The following NXN variants were observed in gnomAD, a reference collection of about 807,000 sequenced individuals.
NXN encodes nucleoredoxin 1.
In NXN, 16 loss-of-function variants were observed where a neutral mutation model predicts 48.6. The observed-to-expected ratio is 0.33, with a 90% CI of 0.22 to 0.50. NXN has a LOEUF of 0.50. NXN is among the 20% of genes least tolerant of loss of function. NXN has a pLI of 0.98. For missense variants in NXN, 492 were observed against 605.5 expected (o/e 0.81, Z 1.97); for synonymous variants, 281 against 269.6 (o/e 1.04, Z -0.41).
intron 1 of NXN, among the ~76,000 whole-genome samples, chr17:884,662 CT>C (rs1297466340): frequency 1.3e-5 from 2 of 152,120 alleles, no homozygotes; most frequent in African/African-American, 4.8e-5. Context: ...TCTAGAACAC[CT>C]TCTGGACCCT....
chr17:904,287 G>A (rs1261702663), intron 1 of NXN, among the ~76,000 whole-genome samples: 3 of 148,702 alleles, frequency 2.0e-5, no homozygotes, highest in African/African-American at 7.8e-5. Flanking sequence ...CGGGCTGCCC[G>A]GACGTCGGAC....
rs559739709 is a variant in NXN at position 888,540 on chromosome 17, T to A, written c.361-62462A>T. 1.1e-3 allele frequency among the ~76,000 whole-genome samples: 166 copies of A among 152,294 alleles called. 1 individual carries two copies. The highest frequency in any genetic ancestry group is 3.6e-3 in the African/African-American group (149 of 41,556). ...CTGGTCTCAGCAAGGTTTTTTGACT[T>A]CAAGAAAACGAGGGTGCTCTTAGGT... On this transcript the variant is annotated intron_variant, in intron 1 of 7. Coordinates refer to ENST00000336868, the MANE Select transcript of NXN (RefSeq NM_022463.5).
chr17:902,620 C>T (rs980834815), intron 1 of NXN, among the ~76,000 whole-genome samples: 3 of 152,004 alleles, frequency 2.0e-5, no homozygotes, highest in Non-Finnish European at 4.4e-5. Context: ...AACCTGTTTA[C>T]GAAGGAGACG....
chr17:856,327 A>T (rs560985242), intron 1 of NXN, among the ~76,000 whole-genome samples: 93 of 152,208 alleles, frequency 6.1e-4, no homozygotes, highest in African/African-American at 2.0e-3. Context: ...GCAAACACAA[A>T]ACAAACTCCA....
At chr17:856,867 CTT>C (rs781744151) in intron 1 of NXN, among the ~76,000 whole-genome samples, 1 of 152,190 alleles carries the variant, frequency 6.6e-6, no homozygotes. Context: ...CAGCTCTCCT[CTT>C]TTCTTTCTGA....
At chr17:979,288 G>C (rs749798489) in intron 1 of NXN, 31 bp downstream of exon 1, 3 of 1,435,700 alleles carry the variant, frequency 2.1e-6, no homozygotes, top group African/African-American at 1.5e-5. Context: ...GTGGGGGGCG[G>C]GCAGGGGCCG....
At chr17:966,662 T>A (rs2069308256) in intron 1 of NXN, among the ~76,000 whole-genome samples, 1 of 151,978 alleles carries the variant, frequency 6.6e-6, no homozygotes, top group African/African-American at 2.4e-5. Flanking sequence ...TCGCATATTT[T>A]ATGTGTGGCC....
intron 1 of NXN, among the ~76,000 whole-genome samples, chr17:951,493 T>G (rs961861641): frequency 1.3e-5 from 2 of 151,154 alleles, no homozygotes; most frequent in African/African-American, 4.9e-5. Context: ...CACGCTCTCT[T>G]TTTGCAGACA....
chr17:841,334 T>G (rs9896203), intron 1 of NXN, among the ~76,000 whole-genome samples: 1 of 138,524 alleles, frequency 7.2e-6, no homozygotes, highest in Admixed American at 7.1e-5. Flanking sequence ...ACCATCCTGG[T>G]GCCGCCAACC....
intron 1 of NXN, among the ~76,000 whole-genome samples, chr17:894,944 C>G (rs942104398): frequency 6.6e-6 from 1 of 150,696 alleles, no homozygotes; most frequent in Non-Finnish European, 1.5e-5. Context: ...CCCTGAAATC[C>G]TGGCTCTCCC....
chr17:820,275 T>C (rs887406878), intron 4 of NXN, among the ~76,000 whole-genome samples: 11 of 152,130 alleles, frequency 7.2e-5, no homozygotes, highest in Non-Finnish European at 2.9e-5. Context: ...CATTTTACAA[T>C]ATATACATTA....
chr17:953,347 G>A (rs536053340), intron 1 of NXN, among the ~76,000 whole-genome samples: 2 of 152,112 alleles, frequency 1.3e-5, no homozygotes, highest in African/African-American at 2.4e-5. Flanking sequence ...CCCAGGAGGC[G>A]GAGGTTGCAG....
intron 1 of NXN, among the ~76,000 whole-genome samples, chr17:938,393 C>T (rs1369539211): frequency 2.0e-5 from 3 of 152,222 alleles, no homozygotes; most frequent in East Asian, 3.9e-4. Context: ...GAAAAGGTCC[C>T]CAGCCCGGCC....
At position 919,295 on chromosome 17, in the gene NXN, A is replaced by G. The variant is rs146036638; in HGVS notation, c.360+60024T>C. Among the ~76,000 whole-genome samples, 481 of 152,080 alleles carry G rather than the reference A, an allele frequency of 3.2e-3. 2 individuals carry two copies. Among genetic ancestry groups the G allele is most frequent in the African/African-American group, 9.8e-3 (408 of 41,490 alleles). ...GGAGAATAGCTTGAACTAGGGAGGC[A>G]GAGGTTGCAGTGAGCCGAGATTGTG... On this transcript the variant is annotated intron_variant, in intron 1 of 7. Transcript: ENST00000336868. The surrounding 1 kb of genome is among the most constrained non-coding windows in gnomAD (Gnocchi z 5.1).
At chr17:927,791 G>C (rs967731906) in intron 1 of NXN, among the ~76,000 whole-genome samples, 4 of 152,008 alleles carry the variant, frequency 2.6e-5, no homozygotes, top group African/African-American at 9.7e-5. Context: ...GGCTTAGAGG[G>C]AGAAGTGAAG....
At chr17:900,334 C>G in intron 1 of NXN, among the ~76,000 whole-genome samples, 1 of 152,162 alleles carries the variant, frequency 6.6e-6, no homozygotes, top group East Asian at 1.9e-4. Context: ...TGAAGAGAGA[C>G]AGCATTTTAT....
chr17:869,620 T>TA (rs2068130576), intron 1 of NXN, among the ~76,000 whole-genome samples: 1 of 152,250 alleles, frequency 6.6e-6, no homozygotes, highest in Admixed American at 6.5e-5. Context: ...TATGTAGGTT[T>TA]CAATGAAATC....
rs1911164340 is a variant in NXN, at chr17:800,884, G to C, written c.*65C>G. 3 of 1,211,040 alleles carry C rather than the reference G, an allele frequency of 2.5e-6. No homozygotes were observed. Among genetic ancestry groups the C allele is most frequent in the African/African-American group, 1.6e-5 (1 of 63,938 alleles). The allele number at this position is 1,211,040 out of a possible 1,614,324, so 75.0% of individuals were successfully genotyped here. On this transcript the variant is annotated 3_prime_UTR_variant, in exon 8 of 8. Coordinates refer to ENST00000336868, the MANE Select transcript of NXN (RefSeq NM_022463.5). The stretch of plus-strand genomic sequence containing the variant: ...GGCACGCTGGGTAAGTCCAAGGGCG[G>C]AAGGAAGGAGGGGGAGGAGGAGAAG...
chr17:900,871 T>C (rs1220729975), intron 1 of NXN, among the ~76,000 whole-genome samples: 2 of 151,684 alleles, frequency 1.3e-5, no homozygotes, highest in Non-Finnish European at 2.9e-5. Flanking sequence ...AGGGGAGTTT[T>C]GAGAGAAAAG....
Sources: allele counts gnomAD v4.1 joint callset (sites outside exome capture counted in the v4.1 genomes callset), GRCh38; gene constraint gnomAD v4.1.1; non-coding constraint Gnocchi (gnomAD v3.1); transcripts MANE v1.5; gene names NCBI Gene and HGNC (gene_info 2026-07-23, HGNC 2026-07-21).